PIR: variants seen among roughly 807,000 people sequenced by gnomAD.
PIR encodes the protein pirin, also known as pirin (iron-binding nuclear protein).
PIR carries 22 observed loss-of-function variants against 24.2 expected under a neutral mutation model. The observed-to-expected ratio is 0.91, with a 90% CI of 0.65 to 1.30. The LOEUF (loss-of-function observed/expected upper bound fraction) is 1.30. Ranked by LOEUF, PIR falls within the 50% of genes most tolerant of loss-of-function variation. PIR has a pLI of 0.00. For missense variants in PIR, 220 were observed against 220.3 expected, an observed-to-expected ratio of 1.00 and a Z score of 0.01; for synonymous variants, 80 against 79.6, an observed-to-expected ratio of 1.00 and a Z score of -0.03.
chrX:15,471,403 T>C (rs1316161253), intron 3 of PIR, among the ~76,000 whole-genome samples: 3 of 111,973 alleles, frequency 2.7e-5, no homozygotes, highest in African/African-American at 9.8e-5. Flanking sequence ...TATTTTAACG[T>C]GATTGTGTTA....
chrX:15,463,205 C>T (rs913986833), intron 3 of PIR, among the ~76,000 whole-genome samples: 2 of 107,551 alleles, frequency 1.9e-5, no homozygotes, highest in Non-Finnish European at 3.9e-5. Context: ...AGCCCACCTG[C>T]CCGCAGATAT....
chrX:15,406,247 G>T (rs1263470345), intron 7 of PIR, among the ~76,000 whole-genome samples: 1 of 112,564 alleles, frequency 8.9e-6, no homozygotes, highest in African/African-American at 3.2e-5. Flanking sequence ...AAAACGAGGG[G>T]CTGGTTCTCT....
At chrX:15,433,144 T>A (rs764653251) in intron 5 of PIR, among the ~76,000 whole-genome samples, 1 of 112,277 alleles carries the variant, frequency 8.9e-6, no homozygotes, top group African/African-American at 3.2e-5. Context: ...GCTTGTACTG[T>A]GAATATCAAT....
chrX:15,471,921 C>G (rs759540048), intron 3 of PIR, among the ~76,000 whole-genome samples: 10 of 112,310 alleles, frequency 8.9e-5, no homozygotes, highest in Non-Finnish European at 1.9e-4. Flanking sequence ...TGATTTAAGG[C>G]ACTCCTAAAT....
intron 8 of PIR, 25 bp from the exon 9 acceptor site, chrX:15,390,276 A>G: frequency 1.1e-6 from 1 of 909,544 alleles, no homozygotes; most frequent in Non-Finnish European, 1.5e-6. Context: ...GAAAACATCA[A>G]ACAATAAGCA....
intron 5 of PIR, among the ~76,000 whole-genome samples, chrX:15,443,768 T>C (rs1429354159): frequency 1.8e-5 from 2 of 111,154 alleles, no homozygotes; most frequent in African/African-American, 6.6e-5. Flanking sequence ...CCAACACTAA[T>C]GGGTGACTTT....
At chrX:15,438,959 CA>C (rs1040007585) in intron 5 of PIR, among the ~76,000 whole-genome samples, 2 of 111,612 alleles carry the variant, frequency 1.8e-5, no homozygotes, top group Non-Finnish European at 3.8e-5. Flanking sequence ...AAACTTTGAC[CA>C]AAGAGGAATG....
intron 7 of PIR, among the ~76,000 whole-genome samples, chrX:15,402,072 G>T (rs968582760): frequency 2.7e-5 from 3 of 111,804 alleles, no homozygotes; most frequent in African/African-American, 3.3e-5. Context: ...GTAGCAATTT[G>T]GGAGGCCAAG....
At chrX:15,459,352 CAGTA>C (rs912173391) in intron 4 of PIR, among the ~76,000 whole-genome samples, 3 of 111,255 alleles carry the variant, frequency 2.7e-5, no homozygotes, top group Non-Finnish European at 5.6e-5. Flanking sequence ...AATCTGATCT[CAGTA>C]AGTACAAAAC....
At chrX:15,416,225 A>G (rs995285993) in intron 6 of PIR, among the ~76,000 whole-genome samples, 1 of 112,046 alleles carries the variant, frequency 8.9e-6, no homozygotes, top group African/African-American at 3.2e-5. Context: ...GGGAACTGTG[A>G]TTGAATAGTC....
intron 5 of PIR, among the ~76,000 whole-genome samples, chrX:15,435,783 G>A (rs1925732358): frequency 8.9e-6 from 1 of 112,161 alleles, no homozygotes; most frequent in South Asian, 3.7e-4. Context: ...ATTTCTCCTG[G>A]AGATGGTAAG....
Position 15,489,404 on chromosome X carries a change from C to A in PIR, c.96+1758G>T, listed in dbSNP as rs1923044034. On this transcript the variant is annotated intron_variant, in intron 2 of 9. Transcript: ENST00000380420. ...GAAATTGATAGGTTTCATCAAACTG[C>A]CAAAGGGATTCACAGGACAAAAACA... 5.4e-5 allele frequency among the ~76,000 whole-genome samples: 6 copies of A among 111,830 alleles called. No homozygotes were observed. In the South Asian group the frequency reaches 2.2e-3, roughly 42 times the overall value.
intron 5 of PIR, among the ~76,000 whole-genome samples, chrX:15,454,402 CGTT>C (rs1921004143): frequency 9.2e-6 from 1 of 108,695 alleles, no homozygotes; most frequent in Non-Finnish European, 1.9e-5. Context: ...ATTTTTTTGT[CGTT>C]GTTGTTCAAT....
chrX:15,406,945 C>T (rs111531464), intron 7 of PIR, among the ~76,000 whole-genome samples: 1 of 112,305 alleles, frequency 8.9e-6, no homozygotes, highest in Non-Finnish European at 1.9e-5. Context: ...TCCACCAATG[C>T]GTAACCCTGG....
intron 5 of PIR, among the ~76,000 whole-genome samples, chrX:15,438,528 C>G (rs1338443157): frequency 8.9e-6 from 1 of 112,158 alleles, no homozygotes; most frequent in East Asian, 2.8e-4. Context: ...TAACCCTAGG[C>G]AAGTTGCTAA....
chrX:15,426,471 G>A (rs1264281788), intron 5 of PIR, among the ~76,000 whole-genome samples: 2 of 111,734 alleles, frequency 1.8e-5, no homozygotes, highest in Non-Finnish European at 1.9e-5. Context: ...GACACTGCTC[G>A]CTTGAAAAAG....
chrX:15,443,761 A>G (rs147489037), intron 5 of PIR, among the ~76,000 whole-genome samples: 203 of 111,358 alleles, frequency 1.8e-3, no homozygotes, highest in African/African-American at 6.4e-3. Context: ...GTTGATTCCA[A>G]CACTAATGGG....
chrX:15,408,229 T>A lies in PIR; in HGVS notation c.566-679A>T, dbSNP rs780424759. ...GCCTTGACCTCCCAAAGTGCTGGGA[T>A]TACAGGTGTGAGCCACCGTACCCGG... On this transcript the variant is annotated intron_variant, in intron 6 of 9. Transcript: ENST00000380420. 2.5e-4 allele frequency among the ~76,000 whole-genome samples: 28 copies of A among 111,874 alleles called. No homozygotes were observed. In the Admixed American group the frequency reaches 2.7e-3, roughly 11 times the overall value.
At chrX:15,463,264 T>C (rs1328453113) in intron 3 of PIR, among the ~76,000 whole-genome samples, 1 of 112,042 alleles carries the variant, frequency 8.9e-6, no homozygotes, top group Non-Finnish European at 1.9e-5. Context: ...GGTATTTTTG[T>C]CTGCCATCTT....
Sources: gnomAD v4.1 joint callset for allele counts (sites outside exome capture counted in the v4.1 genomes callset) on GRCh38, gnomAD v4.1.1 for gene constraint, MANE v1.5 for transcripts, NCBI Gene and HGNC (gene_info 2026-07-23, HGNC 2026-07-21) for gene names.